The following LUC7L3 variants were observed in gnomAD, a reference collection of about 807,000 sequenced individuals.
The protein encoded by LUC7L3 is LUC7 like 3 pre-mRNA splicing factor.
LUC7L3 carries 6 observed loss-of-function variants against 66.8 expected under a neutral mutation model. The observed-to-expected ratio is 0.09, with a 90% CI of 0.05 to 0.18. The LOEUF is 0.18. Among genes scored for constraint, LUC7L3 ranks in the 10% least tolerant of loss-of-function variants. The pLI, the probability that LUC7L3 is intolerant of heterozygous loss-of-function variation, is 1.00. For synonymous variants in LUC7L3, 160 were observed against 174.7 expected (o/e 0.92, Z 0.66); for missense variants, 341 against 531.1 (o/e 0.64, Z 3.52).
At position 50,724,612 on chromosome 17, in the gene LUC7L3, TG is replaced by T. The variant is rs996476572; in HGVS notation, c.99+4782del. 0.015 allele frequency among the ~76,000 whole-genome samples: 9 copies of T among 610 alleles called. No homozygotes were observed. The East Asian group carries it at 0.18, about 12-fold the overall frequency. 0.4% of individuals were successfully genotyped at this position (610 alleles called of 152,430 possible). ...AAATCTTTGGTTGCTTTAGGAAAAT[TG>T]TGTGTGTGTGTGTGTGTGTGTGTGT... On this transcript the variant is annotated intron_variant, in intron 1 of 9. Coordinates refer to ENST00000505658, the MANE Select transcript of LUC7L3 (RefSeq NM_016424.5).
intron 1 of LUC7L3, among the ~76,000 whole-genome samples, chr17:50,726,161 TG>T (rs1365825553): frequency 2.1e-5 from 3 of 146,032 alleles, no homozygotes; most frequent in Non-Finnish European, 4.5e-5. Context: ...CGTATAAACT[TG>T]TTGTTTTGCT....
rs1166901097 is a variant in LUC7L3 at position 50,735,245 on chromosome 17, A to AG, written c.100-1714dup. ...AACTCTGTCTCAAAAAAAAAAAAAA[A>AG]GAAAAAAAAAACTTTCGTGTCTGTG... On this transcript the variant is annotated intron_variant, in intron 1 of 9. Transcript: ENST00000505658. Among the ~76,000 whole-genome samples the AG allele has an allele frequency of 5.8e-5, 5 of 86,090 alleles. No homozygotes were observed. The East Asian group carries it at 1.7e-3, about 28-fold the overall frequency. 56.5% of individuals were successfully genotyped at this position (86,090 alleles called of 152,430 possible).
intron 1 of LUC7L3, among the ~76,000 whole-genome samples, chr17:50,720,929 T>A (rs966066973): frequency 3.9e-5 from 6 of 152,304 alleles, no homozygotes; most frequent in African/African-American, 1.2e-4. Context: ...TCCAAAGTAG[T>A]ATGAAACATT....
At chr17:50,724,905 G>A (rs1385753129) in intron 1 of LUC7L3, among the ~76,000 whole-genome samples, 1 of 151,774 alleles carries the variant, frequency 6.6e-6, no homozygotes, top group East Asian at 2.0e-4. Context: ...GGAATTACAG[G>A]TGCATGCCAC....
intron 1 of LUC7L3, chr17:50,724,144 A>G: frequency 3.6e-6 from 1 of 280,896 alleles, no homozygotes; most frequent in East Asian, 1.4e-4. Flanking sequence ...TTTCCTCTGT[A>G]TCCCTTCCAT....
chr17:50,752,071 TA>T lies in LUC7L3; in HGVS notation c.*1415del. ...AGAACCACACTGATGCCTTGATAAT[TA>T]AAAAGAATACAAGCATTCCATGTAC... On this transcript the variant is annotated 3_prime_UTR_variant, in exon 10 of 10. Coordinates refer to ENST00000505658, the MANE Select transcript of LUC7L3 (RefSeq NM_016424.5). 3 of 1,163,616 alleles carry T rather than the reference TA, an allele frequency of 2.6e-6. No homozygotes were observed. The South Asian group carries it at 5.2e-5, about 20-fold the overall frequency. The allele number at this position is 1,163,616 out of a possible 1,614,324, so 72.1% of individuals were successfully genotyped here. A position where few individuals can be genotyped will look rare whatever the true frequency, so the allele number is the denominator to read the frequency against.
At chr17:50,747,216 TTTC>T (rs1567877737) in intron 9 of LUC7L3, among the ~76,000 whole-genome samples, 2 of 142,254 alleles carry the variant, frequency 1.4e-5, no homozygotes, top group Admixed American at 7.2e-5. Context: ...CCCTTTACTT[TTTC>T]TTTTTTCTTT....
chr17:50,719,658 A>C lies in LUC7L3; in HGVS notation c.-75A>C, dbSNP rs1281494240. ...TTCGGCCTGAGAGCGGGCCGAGGAGATTGGCGACGGTGTCGCCCGTGTTTT... is the reference window on the plus strand; with the variant it reads ...TTCGGCCTGAGAGCGGGCCGAGGAGCTTGGCGACGGTGTCGCCCGTGTTTT... On this transcript the variant is annotated 5_prime_UTR_variant, in exon 1 of 10. Transcript: ENST00000505658. 6 of 1,283,048 alleles carry C rather than the reference A, an allele frequency of 4.7e-6. No individual in the cohort carries two copies. Among genetic ancestry groups the C allele is most frequent in the African/African-American group, 4.4e-5 (3 of 67,734 alleles). The allele number at this position is 1,283,048 out of a possible 1,614,324, so 79.5% of individuals were successfully genotyped here.
chr17:50,741,287 T>G, intron 4 of LUC7L3, 41 bp downstream of exon 4: 1 of 1,587,414 alleles, frequency 6.3e-7, no homozygotes, highest in Non-Finnish European at 8.6e-7. Context: ...GGTCCTTGTT[T>G]TCTGGAGATT....
intron 5 of LUC7L3, 24 bp from the exon 6 acceptor site, chr17:50,743,680 CTG>C (rs1162570922): frequency 9.3e-6 from 13 of 1,400,070 alleles, no homozygotes; most frequent in Non-Finnish European, 1.2e-5. Context: ...GAAATCTTAA[CTG>C]TTTTTTTCCC....
intron 5 of LUC7L3, among the ~76,000 whole-genome samples, chr17:50,741,945 G>A (rs965512439): frequency 2.6e-5 from 4 of 152,152 alleles, no homozygotes; most frequent in South Asian, 4.1e-4. Flanking sequence ...GTGCAATGGC[G>A]TGTACCTGTG....
At chr17:50,726,536 T>C (rs977029392) in intron 1 of LUC7L3, among the ~76,000 whole-genome samples, 1 of 152,162 alleles carries the variant, frequency 6.6e-6, no homozygotes, top group Non-Finnish European at 1.5e-5. Context: ...CTAGTGACAT[T>C]GGAAGTGCTC....
At chr17:50,748,967 G>A (rs1970849045) in intron 9 of LUC7L3, among the ~76,000 whole-genome samples, 1 of 152,010 alleles carries the variant, frequency 6.6e-6, no homozygotes, top group Non-Finnish European at 1.5e-5. Flanking sequence ...TGGACTTTGG[G>A]ACCAGGTGTG....
chr17:50,723,794 G>A (rs1338917804), intron 1 of LUC7L3: 8 of 337,256 alleles, frequency 2.4e-5, no homozygotes, highest in African/African-American at 8.8e-5. Context: ...GGGCCACCAC[G>A]CCCGGCTAAT....
rs1261688497 is a variant in LUC7L3, at chr17:50,756,044, A to G, written c.*5383A>G. 6.6e-6 allele frequency: 1 copy of G among 152,222 alleles called. No homozygotes were observed. Among genetic ancestry groups the G allele is most frequent in the Non-Finnish European group, 1.5e-5 (1 of 68,050 alleles). The allele number at this position is 152,222 out of a possible 1,614,324, so 9.4% of individuals were successfully genotyped here. The stretch of plus-strand genomic sequence containing the variant: ...AAGGAAACGATTAAGACAAAATTTA[A>G]TGTTAGCCGTTTTGATGGAGGGAGA... On this transcript the variant is annotated 3_prime_UTR_variant, in exon 10 of 10. Coordinates refer to ENST00000505658, the MANE Select transcript of LUC7L3 (RefSeq NM_016424.5).
chr17:50,752,906 A>G lies in LUC7L3; in HGVS notation c.*2245A>G, dbSNP rs981788588. ...GCAAAGATGTGCAGTGAACTAGAATATATTTTTACATCCCTGAGAGATTCA... is the reference window on the plus strand; with the variant it reads ...GCAAAGATGTGCAGTGAACTAGAATGTATTTTTACATCCCTGAGAGATTCA... On this transcript the variant is annotated 3_prime_UTR_variant, in exon 10 of 10. Coordinates refer to ENST00000505658, the MANE Select transcript of LUC7L3 (RefSeq NM_016424.5). 1.3e-5 allele frequency: 2 copies of G among 152,032 alleles called. No homozygotes were observed. Among genetic ancestry groups the G allele is most frequent in the Admixed American group, 1.3e-4 (2 of 15,250 alleles). 9.4% of individuals were successfully genotyped at this position (152,032 alleles called of 1,614,324 possible).
At chr17:50,720,183 A>G (rs1274865590) in intron 1 of LUC7L3, among the ~76,000 whole-genome samples, 1 of 152,226 alleles carries the variant, frequency 6.6e-6, no homozygotes, top group East Asian at 1.9e-4. Context: ...ATTTTTCTAT[A>G]GTTTGGGTTG....
intron 3 of LUC7L3, 110 bp from the exon 4 acceptor site, chr17:50,740,992 T>A: frequency 9.5e-7 from 1 of 1,056,030 alleles, no homozygotes; most frequent in African/African-American, 1.6e-5. Context: ...TACACCTGGT[T>A]TACCCTGCAG....
chr17:50,746,389 G>T, intron 8 of LUC7L3, among the ~76,000 whole-genome samples, 153 bp from the exon 9 acceptor site: 1 of 152,196 alleles, frequency 6.6e-6, no homozygotes, highest in East Asian at 1.9e-4. Flanking sequence ...AATTTAGAAA[G>T]ATTTTCAATA....
Sources: gnomAD v4.1 joint callset for allele counts (sites outside exome capture counted in the v4.1 genomes callset) on GRCh38, gnomAD v4.1.1 for gene constraint, MANE v1.5 for transcripts, NCBI Gene and HGNC (gene_info 2026-07-23, HGNC 2026-07-21) for gene names.